Variants in RHPN2 observed in about 807,000 individuals in gnomAD.
RHPN2 encodes rhophilin Rho GTPase binding protein 2.
Under a neutral mutation model 79.0 loss-of-function variants are expected in RHPN2, and 40 were observed. The observed-to-expected ratio is 0.51, with a 90% CI of 0.39 to 0.66. RHPN2 has a LOEUF of 0.66. RHPN2 is among the 30% of genes least tolerant of loss of function. The probability of loss-of-function intolerance (pLI) is 0.00; values close to 1 mark genes in which losing one functional copy is unlikely to be tolerated. For synonymous variants in RHPN2, 285 were observed against 363.5 expected (o/e 0.78, Z 2.46); for missense variants, 686 against 883.5 (o/e 0.78, Z 2.83).
At chr19:33,059,643 A>G (rs1440322552) in intron 1 of RHPN2, among the ~76,000 whole-genome samples, 1 of 151,992 alleles carries the variant, frequency 6.6e-6, no homozygotes, top group East Asian at 1.9e-4. Flanking sequence ...ATTCTAAAAC[A>G]AAGCTGCCTT....
intron 2 of RHPN2, among the ~76,000 whole-genome samples, chr19:33,043,293 G>A (rs967310809): frequency 1.3e-5 from 2 of 152,158 alleles, no homozygotes; most frequent in African/African-American, 4.8e-5. Flanking sequence ...GCTCGCGCCT[G>A]TAATTCCAGC....
chr19:33,057,837 C>G (rs1972246659), intron 1 of RHPN2, among the ~76,000 whole-genome samples: 1 of 151,914 alleles, frequency 6.6e-6, no homozygotes, highest in Non-Finnish European at 1.5e-5. Flanking sequence ...CCAAGTCATC[C>G]TACCTGATTC....
At chr19:33,018,180 T>C (rs1181684866) in intron 4 of RHPN2, among the ~76,000 whole-genome samples, 1 of 150,014 alleles carries the variant, frequency 6.7e-6, no homozygotes, top group Non-Finnish European at 1.5e-5. Flanking sequence ...CACACAAAAA[T>C]TAGTTGGCCA....
At chr19:33,016,441 G>GA (rs893806792) in intron 4 of RHPN2, among the ~76,000 whole-genome samples, 3 of 152,160 alleles carry the variant, frequency 2.0e-5, no homozygotes, top group African/African-American at 7.2e-5. Flanking sequence ...AACACTTTGG[G>GA]AAGCCAAGGA....
chr19:32,994,824 G>A (rs1244100123), intron 11 of RHPN2, among the ~76,000 whole-genome samples: 5 of 152,030 alleles, frequency 3.3e-5, no homozygotes, highest in Admixed American at 1.3e-4. Context: ...TTAGCCAGGC[G>A]TGGTGGCATG....
chr19:32,999,925 A>G (rs141277180), intron 9 of RHPN2, among the ~76,000 whole-genome samples: 1,540 of 152,228 alleles, frequency 0.01, 16 homozygotes, highest in Non-Finnish European at 0.017. Context: ...GCTGGAGTGC[A>G]ATGGCACAAT....
intron 1 of RHPN2, among the ~76,000 whole-genome samples, chr19:33,050,334 C>G (rs944176770): frequency 1.3e-5 from 2 of 152,190 alleles, no homozygotes; most frequent in Non-Finnish European, 2.9e-5. Context: ...TCCCTCTGTA[C>G]TTTTCATTTA....
chr19:33,046,402 A>G (rs1041991079), intron 1 of RHPN2, among the ~76,000 whole-genome samples: 1 of 151,990 alleles, frequency 6.6e-6, no homozygotes, highest in African/African-American at 2.4e-5. Flanking sequence ...GGTAGCTGGG[A>G]TTACAGGCGT....
In RHPN2 at chr19:32,979,054, T is replaced by G. The variant is rs1209374504; in HGVS notation, c.*942A>C. ...GTCCCAGCTATTTGGGAGGCTGAGG[T>G]AGGAGAATCGCTTGATCCCAGGGGG... On this transcript the variant is annotated 3_prime_UTR_variant, in exon 15 of 15. Transcript: ENST00000254260. 1 of 151,954 alleles carries G rather than the reference T, an allele frequency of 6.6e-6. No individual in the cohort carries two copies. Among genetic ancestry groups the G allele is most frequent in the African/African-American group, 2.4e-5 (1 of 41,366 alleles). 9.4% of individuals were successfully genotyped at this position (151,954 alleles called of 1,614,324 possible). A position where few individuals can be genotyped will look rare whatever the true frequency, so the allele number is the denominator to read the frequency against.
intron 11 of RHPN2, among the ~76,000 whole-genome samples, chr19:32,994,791 A>T (rs911553146): frequency 1.3e-5 from 2 of 151,900 alleles, no homozygotes; most frequent in African/African-American, 4.8e-5. Context: ...ATGAAACCCC[A>T]TCTCTACTAA....
intron 3 of RHPN2, among the ~76,000 whole-genome samples, chr19:33,024,992 T>C (rs1031290516): frequency 2.6e-5 from 4 of 151,872 alleles, no homozygotes; most frequent in African/African-American, 9.7e-5. Context: ...GCTCAAGCGA[T>C]CCCCCACCTC....
intron 14 of RHPN2, among the ~76,000 whole-genome samples, 179 bp from the exon 15 acceptor site, chr19:32,980,435 C>G (rs1971565451): frequency 6.6e-6 from 1 of 151,968 alleles, no homozygotes; most frequent in Non-Finnish European, 1.5e-5. Context: ...TGGTGAAACC[C>G]CATCTCTACT....
At position 33,064,774 on chromosome 19, in the gene RHPN2, A is replaced by G. The variant is rs1972313687; in HGVS notation, c.69+10T>C. Reference sequence around the variant, plus strand: ...CGCAGGTCCCCGCCCGCCCGCCCGAAGCCGCCCACCTTCCGAAAGTAGCCG... The same window carrying G: ...CGCAGGTCCCCGCCCGCCCGCCCGAGGCCGCCCACCTTCCGAAAGTAGCCG... On this transcript the variant is annotated intron_variant, in intron 1 of 14. Coordinates refer to ENST00000254260, the MANE Select transcript of RHPN2 (RefSeq NM_033103.5). 2 of 842,042 alleles carry G rather than the reference A, an allele frequency of 2.4e-6. No individual in the cohort carries two copies. Among genetic ancestry groups the G allele is most frequent in the African/African-American group, 2.0e-5 (1 of 50,906 alleles). The allele number at this position is 842,042 out of a possible 1,614,324, so 52.2% of individuals were successfully genotyped here. A position where few individuals can be genotyped will look rare whatever the true frequency, so the allele number is the denominator to read the frequency against.
rs1041702125 is a variant in RHPN2, at chr19:33,006,338, G to A, written c.760+1676C>T. ...TAGCCACTGGAGTAGCTGGAACTAC[G>A]GGCATACACCACCACGCCTGGCTAA... On this transcript the variant is annotated intron_variant, in intron 7 of 14. Transcript: ENST00000254260. Among the ~76,000 whole-genome samples, 30 of 151,976 alleles carry A rather than the reference G, an allele frequency of 2.0e-4. 1 individual carries two copies. Among genetic ancestry groups the A allele is most frequent in the African/African-American group, 7.0e-4 (29 of 41,366 alleles).
chr19:33,032,709 T>TG (rs1260690435), intron 2 of RHPN2, among the ~76,000 whole-genome samples: 2 of 152,206 alleles, frequency 1.3e-5, no homozygotes, highest in African/African-American at 2.4e-5. Flanking sequence ...ACTGATCCTG[T>TG]AGCTGATAAT....
chr19:33,044,176 A>G lies in RHPN2; in HGVS notation c.185+73T>C, dbSNP rs79226145. On this transcript the variant is annotated intron_variant, in intron 2 of 14. Coordinates refer to ENST00000254260, the MANE Select transcript of RHPN2 (RefSeq NM_033103.5). Reference sequence around the variant, plus strand: ...AGGAGGAAACCCAAAGCTGAAACCAAGAGCCTGGCCTGGGAGTTTAGGGAA... The same window carrying G: ...AGGAGGAAACCCAAAGCTGAAACCAGGAGCCTGGCCTGGGAGTTTAGGGAA... 2,937 of 1,188,192 alleles carry G rather than the reference A, an allele frequency of 2.5e-3. 42 individuals are homozygous for G. The African/African-American group carries it at 0.04, about 16-fold the overall frequency. The allele number at this position is 1,188,192 out of a possible 1,614,324, so 73.6% of individuals were successfully genotyped here. A position where few individuals can be genotyped will look rare whatever the true frequency, so the allele number is the denominator to read the frequency against.
At chr19:32,987,736 T>C (rs541977672) in intron 14 of RHPN2, among the ~76,000 whole-genome samples, 22 of 152,330 alleles carry the variant, frequency 1.4e-4, no homozygotes, top group African/African-American at 5.1e-4. Context: ...TATTTATTTC[T>C]AGCTCTGATT....
At chr19:32,984,116 C>T (rs574917198) in intron 14 of RHPN2, among the ~76,000 whole-genome samples, 42 of 152,248 alleles carry the variant, frequency 2.8e-4, no homozygotes, top group African/African-American at 9.4e-4. Flanking sequence ...AGCTTGTGAA[C>T]GGCAGTCAGG....
chr19:33,035,475 C>T (rs1301569266), intron 2 of RHPN2, among the ~76,000 whole-genome samples: 1 of 152,134 alleles, frequency 6.6e-6, no homozygotes, highest in Non-Finnish European at 1.5e-5. Flanking sequence ...TTAGGTTGGT[C>T]ACTTTGAAAC....
Sources: allele counts gnomAD v4.1 joint callset (sites outside exome capture counted in the v4.1 genomes callset), GRCh38; gene constraint gnomAD v4.1.1; transcripts MANE v1.5; gene names NCBI Gene and HGNC (gene_info 2026-07-23, HGNC 2026-07-21).